SCUBE1: variants seen among roughly 807,000 people sequenced by gnomAD.
SCUBE1 encodes signal peptide, CUB and EGF-like domain-containing protein 1.
A neutral mutation model predicts 124.4 loss-of-function variants in SCUBE1; 59 were observed. The ratio of observed to expected loss-of-function variants is 0.47; its 90% confidence interval spans 0.38 to 0.59. The LOEUF (loss-of-function observed/expected upper bound fraction) is 0.59, where lower values mean the gene tolerates loss of function less well. Among genes scored for constraint, SCUBE1 ranks in the 20% least tolerant of loss-of-function variants. The pLI, the probability that SCUBE1 is intolerant of heterozygous loss-of-function variation, is 0.00. For missense variants in SCUBE1, 1,150 were observed against 1,371.2 expected (o/e 0.84, Z 2.55); for synonymous variants, 545 against 550.9 (o/e 0.99, Z 0.15).
rs1275277996 is a variant in SCUBE1, at chr22:43,201,471, G to A, written c.*2526C>T. On this transcript the variant is annotated 3_prime_UTR_variant, in exon 22 of 22. Transcript: ENST00000360835. ...AACATGCTAGGGTGTTTCCAGAAGA[G>A]GTTAGGATGGGAATTGGCAGACTGA... is the stretch of plus-strand genomic sequence containing the variant. 6.6e-6 allele frequency: 1 copy of A among 152,152 alleles called. No individual in the cohort carries two copies. Among genetic ancestry groups the A allele is most frequent in the Non-Finnish European group, 1.5e-5 (1 of 68,034 alleles). 9.4% of individuals were successfully genotyped at this position (152,152 alleles called of 1,614,324 possible). A position where few individuals can be genotyped will look rare whatever the true frequency, so the allele number is the denominator to read the frequency against.
chr22:43,218,565 C>T (rs547833243), intron 14 of SCUBE1, 107 bp from the exon 15 acceptor site: 327 of 1,122,168 alleles, frequency 2.9e-4, no homozygotes, highest in Non-Finnish European at 4.0e-4. Flanking sequence ...GCTCGGACCT[C>T]CTCAGCACAT....
intron 4 of SCUBE1, among the ~76,000 whole-genome samples, chr22:43,278,421 C>T (rs1386414170): frequency 1.3e-5 from 2 of 151,924 alleles, no homozygotes; most frequent in African/African-American, 2.4e-5. Context: ...AGTTCCTAGC[C>T]GTGCTGCCCC....
At chr22:43,273,626 G>A (rs995631726) in intron 4 of SCUBE1, among the ~76,000 whole-genome samples, 1 of 137,156 alleles carries the variant, frequency 7.3e-6, no homozygotes, top group East Asian at 2.1e-4. Context: ...GGAGTGCAGT[G>A]GTGTAATCAA....
chr22:43,342,116 G>A (rs994900957), intron 1 of SCUBE1, among the ~76,000 whole-genome samples: 41 of 151,984 alleles, frequency 2.7e-4, no homozygotes, highest in Non-Finnish European at 4.0e-4. Context: ...TCAGGAAGCC[G>A]GGAAGGACGT....
In SCUBE1 at chr22:43,281,564, A is replaced by ACCTCCCTCTTTG. The variant is rs1569011156; in HGVS notation, c.484+9481_484+9482insCAAAGAGGGAGG. 9.5e-4 allele frequency among the ~76,000 whole-genome samples: 80 copies of ACCTCCCTCTTTG among 84,060 alleles called. 4 individuals are homozygous for ACCTCCCTCTTTG. In the East Asian group the frequency reaches 0.022, roughly 23 times the overall value. 55.1% of individuals were successfully genotyped at this position (84,060 alleles called of 152,430 possible). ...GTCACCCTCCTGTCACCTCCCCCTC[A>ACCTCCCTCTTTG]GCCACCCTCCTGTCACCTCCCTTCT... On this transcript the variant is annotated intron_variant, in intron 4 of 21. Transcript: ENST00000360835.
chr22:43,320,140 C>G, intron 2 of SCUBE1, 75 bp from the exon 3 acceptor site: 1 of 1,575,818 alleles, frequency 6.3e-7, no homozygotes, highest in Non-Finnish European at 8.7e-7. Context: ...TGGAAGCCAC[C>G]GGGATCTGAG....
At position 43,330,505 on chromosome 22, in the gene SCUBE1, T is replaced by G. The variant is rs569436573; in HGVS notation, c.220+8599A>C. 1.1e-4 allele frequency among the ~76,000 whole-genome samples: 16 copies of G among 152,340 alleles called. No homozygotes were observed. In the South Asian group the frequency reaches 2.9e-3, roughly 28 times the overall value. On this transcript the variant is annotated intron_variant, in intron 2 of 21. Coordinates refer to ENST00000360835, the MANE Select transcript of SCUBE1 (RefSeq NM_173050.5). ...TGTTATGATCACATCTTTTCCAATC[T>G]GTGTCTCCCACAAGGCAGGTCAAAG...
intron 15 of SCUBE1, among the ~76,000 whole-genome samples, chr22:43,217,776 G>A (rs965538328): frequency 2.0e-5 from 3 of 152,122 alleles, no homozygotes; most frequent in Non-Finnish European, 4.4e-5. Context: ...CCGCCCGCTG[G>A]GGGCCGGCCT....
intron 3 of SCUBE1, among the ~76,000 whole-genome samples, chr22:43,314,926 G>C (rs1926292524): frequency 6.6e-6 from 1 of 152,202 alleles, no homozygotes; most frequent in Admixed American, 6.5e-5. Context: ...AGCCATGTGG[G>C]ATAGGGGCCT....
chr22:43,239,345 T>C (rs937764183), intron 6 of SCUBE1, among the ~76,000 whole-genome samples: 7 of 152,226 alleles, frequency 4.6e-5, no homozygotes, highest in Admixed American at 1.3e-4. Context: ...AGACTCCAAG[T>C]CCAGGCTAGA....
chr22:43,325,781 A>T (rs990366995), intron 2 of SCUBE1, among the ~76,000 whole-genome samples: 3 of 152,104 alleles, frequency 2.0e-5, no homozygotes, highest in African/African-American at 7.2e-5. Context: ...TAGAGCAGAG[A>T]AAAGCAGCAC....
chr22:43,332,822 T>C (rs969339329), intron 2 of SCUBE1, among the ~76,000 whole-genome samples: 3 of 152,110 alleles, frequency 2.0e-5, no homozygotes, highest in Non-Finnish European at 1.5e-5. Flanking sequence ...GGCCCAGCCC[T>C]GAGGGAAGTT....
At chr22:43,290,915 A>G in intron 4 of SCUBE1, 131 bp downstream of exon 4, 1 of 983,674 alleles carries the variant, frequency 1.0e-6, no homozygotes, top group Non-Finnish European at 1.5e-6. Flanking sequence ...CGTGCAAAAC[A>G]GTCATTCAGA....
intron 4 of SCUBE1, chr22:43,270,400 G>A (rs929420463): frequency 6.6e-6 from 1 of 152,290 alleles, no homozygotes; most frequent in African/African-American, 2.4e-5. Context: ...AGCGCACAGA[G>A]GTTAGTGACT....
rs372960711 is a variant in SCUBE1, at chr22:43,224,234, G to T, written c.1208-1018C>A. ...CCGGGGCCCACATTTTGTCTGTCCT[G>T]CTGATTGCTTTCTGCGAGGGCACCG... On this transcript the variant is annotated intron_variant, in intron 10 of 21. Transcript: ENST00000360835. 5.9e-5 allele frequency among the ~76,000 whole-genome samples: 9 copies of T among 152,336 alleles called. No individual in the cohort carries two copies. In the East Asian group the frequency reaches 9.6e-4, roughly 16 times the overall value.
At chr22:43,274,576 G>A (rs1452828654) in intron 4 of SCUBE1, among the ~76,000 whole-genome samples, 7 of 152,212 alleles carry the variant, frequency 4.6e-5, no homozygotes, top group Non-Finnish European at 1.5e-5. Flanking sequence ...CGAGATGGAG[G>A]GCGCCCAGGC....
At chr22:43,284,685 G>C (rs1368800762) in intron 4 of SCUBE1, among the ~76,000 whole-genome samples, 1 of 152,256 alleles carries the variant, frequency 6.6e-6, no homozygotes, top group Non-Finnish European at 1.5e-5. Flanking sequence ...GAATGGAAAT[G>C]CATGGAAAGT....
chr22:43,322,215 C>T (rs1172699284), intron 2 of SCUBE1, among the ~76,000 whole-genome samples: 1 of 152,108 alleles, frequency 6.6e-6, no homozygotes, highest in Non-Finnish European at 1.5e-5. Flanking sequence ...CATCTCCTGA[C>T]CTCGTGATCC....
In SCUBE1 at chr22:43,249,752, G is replaced by C. The variant is rs759025689; in HGVS notation, c.727+8467C>G. Among the ~76,000 whole-genome samples the C allele has an allele frequency of 3.5e-4, 53 of 152,258 alleles. 1 individual carries two copies. The highest frequency in any genetic ancestry group is 8.3e-4 in the South Asian group (4 of 4,838). On this transcript the variant is annotated intron_variant, in intron 6 of 21. Transcript: ENST00000360835. ...GGGAAAGCTCCTCTCTTCTCCCCCT[G>C]CCAGCAGGACAGTGGGCCCTGAGTG...
Sources: allele counts gnomAD v4.1 joint callset (sites outside exome capture counted in the v4.1 genomes callset), GRCh38; gene constraint gnomAD v4.1.1; transcripts MANE v1.5; gene names NCBI Gene and HGNC (gene_info 2026-07-23, HGNC 2026-07-21).